THUMPD2: variants seen among roughly 807,000 people sequenced by gnomAD.
THUMPD2 encodes the protein THUMP domain 2 tRNA and snRNA guanosine methyltransferase.
A neutral mutation model predicts 49.4 loss-of-function variants in THUMPD2; 56 were observed. The ratio of observed to expected loss-of-function variants is 1.13; its 90% CI spans 0.91 to 1.41. THUMPD2 has a LOEUF of 1.41. Among genes scored for constraint, THUMPD2 ranks in the 40% most tolerant of loss-of-function variants. The pLI is 0.00. For missense variants in THUMPD2, 709 were observed against 594.5 expected (o/e 1.19, Z -2.00); for synonymous variants, 237 against 205.2 (o/e 1.15, Z -1.32).
At chr2:39,756,747 T>C (rs1676183857) in intron 6 of THUMPD2, among the ~76,000 whole-genome samples, 1 of 151,986 alleles carries the variant, frequency 6.6e-6, no homozygotes, top group Admixed American at 6.6e-5. Context: ...ACGGTAACAA[T>C]CACAAGAAGA....
At chr2:39,760,258 A>G (rs1986876) in intron 6 of THUMPD2, among the ~76,000 whole-genome samples, 62,823 of 151,954 alleles carry the variant, frequency 0.41, 14,359 homozygotes, top group East Asian at 0.75. Flanking sequence ...ATCTTATGAC[A>G]GGGAAGAGGG....
At chr2:39,743,575 C>A (rs1674188047) in intron 9 of THUMPD2, among the ~76,000 whole-genome samples, 1 of 152,098 alleles carries the variant, frequency 6.6e-6, no homozygotes, top group South Asian at 2.1e-4. Flanking sequence ...TAATGCCCTC[C>A]CTGTGAGGGG....
chr2:39,738,687 A>C (rs899026962), intron 9 of THUMPD2, among the ~76,000 whole-genome samples: 4 of 148,188 alleles, frequency 2.7e-5, no homozygotes, highest in Non-Finnish European at 5.9e-5. Flanking sequence ...ACACATATAT[A>C]CATATATAAA....
chr2:39,759,768 G>A (rs1461195616), intron 6 of THUMPD2, among the ~76,000 whole-genome samples: 1 of 152,156 alleles, frequency 6.6e-6, no homozygotes, highest in Non-Finnish European at 1.5e-5. Context: ...ACAGACCTCT[G>A]AGAGAAAAGA....
chr2:39,769,566 G>T, intron 3 of THUMPD2, 144 bp downstream of exon 3: 1 of 709,974 alleles, frequency 1.4e-6, no homozygotes, highest in Non-Finnish European at 2.1e-6. Flanking sequence ...GCTGGGTGTG[G>T]TGACGCACAC....
At chr2:39,737,094 C>T (rs1673182717) in intron 9 of THUMPD2, 35 bp from the exon 10 acceptor site, 5 of 1,549,890 alleles carry the variant, frequency 3.2e-6, no homozygotes, top group African/African-American at 1.4e-5. Context: ...TGCTATCTTT[C>T]TCCTTTCTAG....
chr2:39,747,944 TAAGGA>T (rs1383654662), intron 8 of THUMPD2, among the ~76,000 whole-genome samples: 1 of 152,192 alleles, frequency 6.6e-6, no homozygotes, highest in Non-Finnish European at 1.5e-5. Context: ...CCAATTACAA[TAAGGA>T]AAGTCATCAG....
rs201301088 is a variant in THUMPD2, at chr2:39,770,874, C to T, written c.262+631G>A. On this transcript the variant is annotated intron_variant, in intron 2 of 9. Transcript: ENST00000505747. ...ATTATAGGCTATAAATACATGATCT[C>T]TTACGTAATTCAAATTGAAGTTTAC... Among the ~76,000 whole-genome samples the T allele has an allele frequency of 7.9e-5, 12 of 152,204 alleles. 1 individual carries two copies. The East Asian group carries it at 1.7e-3, about 22-fold the overall frequency.
At chr2:39,766,803 A>G (rs1329602551) in intron 4 of THUMPD2, among the ~76,000 whole-genome samples, 2 of 152,200 alleles carry the variant, frequency 1.3e-5, no homozygotes, top group African/African-American at 4.8e-5. Flanking sequence ...CAGCTTAATC[A>G]GAATTATTCC....
At chr2:39,760,975 T>G (rs575084738) in intron 6 of THUMPD2, among the ~76,000 whole-genome samples, 1 of 152,192 alleles carries the variant, frequency 6.6e-6, no homozygotes, top group African/African-American at 2.4e-5. Context: ...AAAGTCATCT[T>G]ATGTCCATAG....
intron 1 of THUMPD2, among the ~76,000 whole-genome samples, chr2:39,773,868 T>C (rs1004540405): frequency 5.3e-5 from 8 of 152,180 alleles, no homozygotes; most frequent in African/African-American, 1.7e-4. Flanking sequence ...AAGGCCTACA[T>C]TTCTTGTAGA....
intron 5 of THUMPD2, among the ~76,000 whole-genome samples, chr2:39,764,247 T>G (rs1677213983): frequency 6.6e-6 from 1 of 152,226 alleles, no homozygotes; most frequent in Non-Finnish European, 1.5e-5. Flanking sequence ...TACTGTATCC[T>G]AGAAACAGCA....
chr2:39,777,808 A>T (rs192578671), intron 1 of THUMPD2, among the ~76,000 whole-genome samples: 8 of 152,310 alleles, frequency 5.3e-5, no homozygotes, highest in Middle Eastern at 3.4e-3. Flanking sequence ...CCTGGTAATA[A>T]AGTTTTCCCC....
chr2:39,760,721 CTTAAAT>C (rs1304238899), intron 6 of THUMPD2, among the ~76,000 whole-genome samples: 1 of 151,862 alleles, frequency 6.6e-6, no homozygotes, highest in African/African-American at 2.4e-5. Flanking sequence ...GACAGTGAGA[CTTAAAT>C]TTAAACTTAA....
chr2:39,764,391 G>T (rs1380695866), intron 5 of THUMPD2, among the ~76,000 whole-genome samples: 1 of 152,178 alleles, frequency 6.6e-6, no homozygotes, highest in Non-Finnish European at 1.5e-5. Flanking sequence ...ATAATTTGTG[G>T]AGAAGATAGA....
At chr2:39,745,559 A>C (rs1410551474) in intron 8 of THUMPD2, among the ~76,000 whole-genome samples, 6 of 152,236 alleles carry the variant, frequency 3.9e-5, no homozygotes, top group Admixed American at 6.5e-5. Context: ...CATAGTTCTC[A>C]AATGTTTTAT....
intron 8 of THUMPD2, among the ~76,000 whole-genome samples, chr2:39,753,406 G>C (rs1405606860): frequency 1.3e-5 from 2 of 152,082 alleles, no homozygotes; most frequent in Non-Finnish European, 2.9e-5. Flanking sequence ...AGAAGTCCAA[G>C]CATCTGAGTA....
intron 8 of THUMPD2, 60 bp downstream of exon 8, chr2:39,755,235 G>A: frequency 8.7e-7 from 1 of 1,155,896 alleles, no homozygotes. Flanking sequence ...TTTATATTAT[G>A]ATTCTAAATA....
intron 8 of THUMPD2, among the ~76,000 whole-genome samples, chr2:39,746,856 T>G (rs1221279211): frequency 6.6e-6 from 1 of 151,784 alleles, no homozygotes; most frequent in African/African-American, 2.4e-5. Flanking sequence ...AAACTGAACA[T>G]ATCCTTCTTC....
Sources: gnomAD v4.1 joint callset for allele counts (sites outside exome capture counted in the v4.1 genomes callset) on GRCh38, gnomAD v4.1.1 for gene constraint, MANE v1.5 for transcripts, NCBI Gene and HGNC (gene_info 2026-07-23, HGNC 2026-07-21) for gene names.